NSMCE2: variants seen among roughly 807,000 people sequenced by gnomAD.
NSMCE2 encodes E3 SUMO-protein ligase NSE2.
NSMCE2 carries 24 observed loss-of-function variants against 23.8 expected under a neutral mutation model. The ratio of observed to expected loss-of-function variants is 1.01; its 90% confidence interval spans 0.73 to 1.42. The LOEUF (loss-of-function observed/expected upper bound fraction) is 1.42, where lower values mean the gene tolerates loss of function less well. Ranked by LOEUF, NSMCE2 falls within the 40% of genes most tolerant of loss-of-function variation. The probability of loss-of-function intolerance (pLI) is 0.00; values close to 1 mark genes in which losing one functional copy is unlikely to be tolerated. For missense variants in NSMCE2, 284 were observed against 296.5 expected (o/e 0.96, Z 0.31); for synonymous variants, 92 against 94.1 (o/e 0.98, Z 0.13).
intron 3 of NSMCE2, among the ~76,000 whole-genome samples, chr8:125,105,148 G>A (rs570768969): frequency 6.6e-6 from 1 of 152,254 alleles, no homozygotes; most frequent in Admixed American, 6.5e-5. Flanking sequence ...CACAGCTATT[G>A]TTTCATATAT....
At chr8:125,195,019 A>T (rs1040290705) in intron 5 of NSMCE2, among the ~76,000 whole-genome samples, 1 of 152,184 alleles carries the variant, frequency 6.6e-6, no homozygotes, top group African/African-American at 2.4e-5. Flanking sequence ...TAGCATGAGC[A>T]TCACCTAGAA....
At position 125,181,372 on chromosome 8, in the gene NSMCE2, G is replaced by A. The variant is rs148086874; in HGVS notation, c.265-731G>A. On this transcript the variant is annotated intron_variant, in intron 4 of 7. Coordinates refer to ENST00000287437, the MANE Select transcript of NSMCE2 (RefSeq NM_173685.4). ...GGAGATGAAGATGTAATAAAGAACA[G>A]GGTTGAGAATGGATAGCGAGATAGA... Among the ~76,000 whole-genome samples, 1,062 of 152,242 alleles carry A rather than the reference G, an allele frequency of 7.0e-3. 11 individuals carry two copies. Among genetic ancestry groups the A allele is most frequent in the Middle Eastern group, 0.017 (5 of 294 alleles).
At chr8:125,255,805 A>G (rs955816888) in intron 5 of NSMCE2, among the ~76,000 whole-genome samples, 1 of 152,182 alleles carries the variant, frequency 6.6e-6, no homozygotes, top group Admixed American at 6.5e-5. Flanking sequence ...AAATCCTTCT[A>G]TCAGCAGTGG....
chr8:125,239,175 C>T (rs1825668870), intron 5 of NSMCE2, among the ~76,000 whole-genome samples: 1 of 152,090 alleles, frequency 6.6e-6, no homozygotes, highest in Non-Finnish European at 1.5e-5. Flanking sequence ...ACTCTGTAGA[C>T]TTTATGGTAA....
intron 5 of NSMCE2, among the ~76,000 whole-genome samples, chr8:125,227,326 A>T (rs573125705): frequency 6.6e-6 from 1 of 152,240 alleles, no homozygotes; most frequent in East Asian, 1.9e-4. Context: ...AGTCCTTCAG[A>T]TAGCAGTGAG....
chr8:125,196,446 A>G (rs939955094), intron 5 of NSMCE2, among the ~76,000 whole-genome samples: 7 of 152,076 alleles, frequency 4.6e-5, no homozygotes, highest in African/African-American at 1.4e-4. Flanking sequence ...GGGTGAGAAC[A>G]TGTGGATTTG....
chr8:125,261,583 A>G (rs4350000), intron 5 of NSMCE2, among the ~76,000 whole-genome samples: 131,620 of 152,102 alleles, frequency 0.87, 57,173 homozygotes, highest in African/African-American at 0.95. Context: ...AATTTAATTA[A>G]TATACTTACA....
intron 1 of NSMCE2, among the ~76,000 whole-genome samples, chr8:125,099,413 G>A (rs1444512350): frequency 6.6e-6 from 1 of 152,044 alleles, no homozygotes; most frequent in Non-Finnish European, 1.5e-5. Flanking sequence ...GAACCAAGAA[G>A]GCATAGCCCT....
At chr8:125,128,820 A>G (rs1468956733) in intron 3 of NSMCE2, among the ~76,000 whole-genome samples, 1 of 152,120 alleles carries the variant, frequency 6.6e-6, no homozygotes. Flanking sequence ...TTTCTCTTTC[A>G]TTAATAACGG....
chr8:125,122,616 T>A (rs2130506670), intron 3 of NSMCE2, among the ~76,000 whole-genome samples: 1 of 152,284 alleles, frequency 6.6e-6, no homozygotes, highest in African/African-American at 2.4e-5. Flanking sequence ...AAGGATAAGC[T>A]TAAGTATCAT....
chr8:125,313,120 AGAAG>A (rs1019975030), intron 5 of NSMCE2, among the ~76,000 whole-genome samples: 24 of 151,080 alleles, frequency 1.6e-4, no homozygotes, highest in African/African-American at 3.2e-4. Context: ...AAAAAGGGAA[AGAAG>A]GAAGGAAGGA....
intron 3 of NSMCE2, among the ~76,000 whole-genome samples, chr8:125,127,647 A>G (rs1819578159): frequency 6.6e-6 from 1 of 152,084 alleles, no homozygotes; most frequent in Non-Finnish European, 1.5e-5. Flanking sequence ...GTTGAGCATT[A>G]CCCTGTATCT....
At position 125,216,001 on chromosome 8, in the gene NSMCE2, A is replaced by G. The variant is rs973427351; in HGVS notation, c.418+33745A>G. On this transcript the variant is annotated intron_variant, in intron 5 of 7. Transcript: ENST00000287437. ...TAGGAGGTCTTGGCTGCAGTGAGCCATGATTGTGCCACTGCACTCCAGCCT... is the reference window on the plus strand; with the variant it reads ...TAGGAGGTCTTGGCTGCAGTGAGCCGTGATTGTGCCACTGCACTCCAGCCT... Among the ~76,000 whole-genome samples, 60 of 152,218 alleles carry G rather than the reference A, an allele frequency of 3.9e-4. 1 individual carries two copies. Among genetic ancestry groups the G allele is most frequent in the Admixed American group, 3.4e-3 (52 of 15,286 alleles).
intron 4 of NSMCE2, chr8:125,156,116 T>TA (rs202236536): frequency 0.015 from 3,919 of 253,670 alleles, no homozygotes; most frequent in South Asian, 0.031. Flanking sequence ...TCCATCTCTT[T>TA]AAAAAAAAAA....
intron 5 of NSMCE2, among the ~76,000 whole-genome samples, chr8:125,265,421 G>T (rs957853427): frequency 6.6e-6 from 1 of 151,824 alleles, no homozygotes; most frequent in African/African-American, 2.4e-5. Context: ...GGAGTTCTCC[G>T]TGTTGGTCAG....
At chr8:125,306,207 G>T (rs1828753065) in intron 5 of NSMCE2, among the ~76,000 whole-genome samples, 6 of 152,108 alleles carry the variant, frequency 3.9e-5, no homozygotes. Flanking sequence ...GCATGTGCCT[G>T]TAATCCCAGC....
At chr8:125,190,069 A>G (rs898386131) in intron 5 of NSMCE2, among the ~76,000 whole-genome samples, 4 of 152,190 alleles carry the variant, frequency 2.6e-5, no homozygotes, top group African/African-American at 9.7e-5. Flanking sequence ...TAAATGTCAC[A>G]ACCAAGATGG....
chr8:125,346,450 A>G (rs972030153), intron 5 of NSMCE2, among the ~76,000 whole-genome samples: 3 of 152,220 alleles, frequency 2.0e-5, no homozygotes, highest in African/African-American at 7.2e-5. Flanking sequence ...AGATGAGTGC[A>G]AAGGGCGCTC....
chr8:125,158,974 A>G (rs529030384), intron 4 of NSMCE2, among the ~76,000 whole-genome samples: 78 of 152,336 alleles, frequency 5.1e-4, no homozygotes, highest in African/African-American at 1.8e-3. Context: ...ATCTGTGGCC[A>G]TCTCTGGTCC....
Sources: allele counts gnomAD v4.1 joint callset (sites outside exome capture counted in the v4.1 genomes callset), GRCh38; gene constraint gnomAD v4.1.1; transcripts MANE v1.5; gene names NCBI Gene and HGNC (gene_info 2026-07-23, HGNC 2026-07-21).